KCNIP1: variants seen among roughly 807,000 people sequenced by gnomAD.
KCNIP1 encodes the protein potassium voltage-gated channel interacting protein 1.
In KCNIP1, 18 loss-of-function variants were observed where a neutral mutation model predicts 33.0. That is an observed-to-expected ratio of 0.55 (90% CI 0.38 to 0.81). The LOEUF is 0.81. Ranked by LOEUF, KCNIP1 falls within the 30% of genes least tolerant of loss-of-function variation. The probability of loss-of-function intolerance (pLI) is 0.00; values close to 1 mark genes in which losing one functional copy is unlikely to be tolerated. For synonymous variants in KCNIP1, 93 were observed against 98.3 expected (o/e 0.95, Z 0.32); for missense variants, 238 against 271.6 (o/e 0.88, Z 0.87).
chr5:170,544,580 ATTTG>A (rs1756341679), intron 1 of KCNIP1, among the ~76,000 whole-genome samples: 1 of 151,714 alleles, frequency 6.6e-6, no homozygotes, highest in African/African-American at 2.4e-5. Flanking sequence ...GCACCTTCCT[ATTTG>A]TTTTTCTATT....
intron 7 of KCNIP1, among the ~76,000 whole-genome samples, chr5:170,735,177 T>G (rs1470596308): frequency 6.6e-6 from 1 of 152,130 alleles, no homozygotes; most frequent in Non-Finnish European, 1.5e-5. Context: ...AGAGAGCGCT[T>G]TGGGGGGTTT....
At chr5:170,536,283 A>G (rs1020265398) in intron 1 of KCNIP1, among the ~76,000 whole-genome samples, 11 of 152,202 alleles carry the variant, frequency 7.2e-5, no homozygotes, top group African/African-American at 2.4e-4. Flanking sequence ...TTTGCTGTCA[A>G]TCCTTCCACC....
chr5:170,591,234 C>T (rs148557167), intron 1 of KCNIP1, among the ~76,000 whole-genome samples: 1 of 152,340 alleles, frequency 6.6e-6, no homozygotes, highest in East Asian at 1.9e-4. Flanking sequence ...TCTAGCACAG[C>T]ACAGATCACA....
intron 1 of KCNIP1, among the ~76,000 whole-genome samples, chr5:170,594,976 A>G (rs78154877): frequency 0.011 from 1,638 of 152,324 alleles, 27 homozygotes; most frequent in African/African-American, 0.037. Flanking sequence ...TTTAAATGCC[A>G]CATGAGCGGC....
intron 1 of KCNIP1, among the ~76,000 whole-genome samples, chr5:170,434,912 G>T (rs934110475): frequency 6.6e-6 from 1 of 152,178 alleles, no homozygotes. Flanking sequence ...CCAAGGTCGT[G>T]CCACTGAACT....
At chr5:170,490,639 A>G (rs1019332680) in intron 1 of KCNIP1, among the ~76,000 whole-genome samples, 3 of 152,066 alleles carry the variant, frequency 2.0e-5, no homozygotes, top group Non-Finnish European at 2.9e-5. Flanking sequence ...TTATTATGGG[A>G]ATTTTCTGTG....
chr5:170,355,435 T>C (rs549494703), intron 1 of KCNIP1, among the ~76,000 whole-genome samples: 2 of 152,244 alleles, frequency 1.3e-5, no homozygotes, highest in Non-Finnish European at 2.9e-5. Flanking sequence ...CCTAAGAGGG[T>C]AATGGGTGTG....
intron 1 of KCNIP1, among the ~76,000 whole-genome samples, chr5:170,508,118 C>T (rs1754786076): frequency 6.6e-6 from 1 of 152,172 alleles, no homozygotes; most frequent in Admixed American, 6.5e-5. Flanking sequence ...AGACCAAGGC[C>T]ATCTCAACAG....
intron 1 of KCNIP1, among the ~76,000 whole-genome samples, chr5:170,454,096 G>A (rs1239721899): frequency 6.6e-6 from 1 of 152,204 alleles, no homozygotes; most frequent in Non-Finnish European, 1.5e-5. Flanking sequence ...TGCTCAAGAA[G>A]GTTAGCTAGC....
At chr5:170,577,675 A>G (rs2113507262) in intron 1 of KCNIP1, among the ~76,000 whole-genome samples, 1 of 152,362 alleles carries the variant, frequency 6.6e-6, no homozygotes, top group South Asian at 2.1e-4. Context: ...CAGCGTGTGA[A>G]TTTGAAAAGA....
At chr5:170,679,790 T>C (rs985744877) in intron 1 of KCNIP1, among the ~76,000 whole-genome samples, 3 of 152,064 alleles carry the variant, frequency 2.0e-5, no homozygotes, top group African/African-American at 7.2e-5. Context: ...ATGTGCCACA[T>C]TATTTTTAAT....
At chr5:170,564,064 AC>A (rs1249142886) in intron 1 of KCNIP1, among the ~76,000 whole-genome samples, 3 of 152,158 alleles carry the variant, frequency 2.0e-5, no homozygotes, top group Non-Finnish European at 4.4e-5. Flanking sequence ...TAACCACGTC[AC>A]AGTGCACTGT....
At chr5:170,594,509 C>A (rs1758373562) in intron 1 of KCNIP1, among the ~76,000 whole-genome samples, 1 of 151,598 alleles carries the variant, frequency 6.6e-6, no homozygotes, top group Admixed American at 6.6e-5. Context: ...ACTACAGTTT[C>A]TTTTTTTTTA....
intron 1 of KCNIP1, among the ~76,000 whole-genome samples, chr5:170,412,083 A>G (rs1391484599): frequency 2.0e-5 from 3 of 152,230 alleles, no homozygotes; most frequent in African/African-American, 7.2e-5. Context: ...TGTTGGACCC[A>G]ATGAAAAGAA....
At chr5:170,383,955 G>A (rs1405270021) in intron 1 of KCNIP1, 6 of 1,200,098 alleles carry the variant, frequency 5.0e-6, no homozygotes, top group Non-Finnish European at 5.8e-6. Flanking sequence ...AGGGATCCAG[G>A]ACTGGGATCC....
chr5:170,466,386 G>A (rs201231014), intron 1 of KCNIP1, among the ~76,000 whole-genome samples: 336 of 152,254 alleles, frequency 2.2e-3, no homozygotes, highest in African/African-American at 7.7e-3. Flanking sequence ...AGAAAGGTCT[G>A]GGGTGAAGAT....
At chr5:170,663,889 T>C (rs1340618239) in intron 1 of KCNIP1, among the ~76,000 whole-genome samples, 1 of 149,496 alleles carries the variant, frequency 6.7e-6, no homozygotes, top group Non-Finnish European at 1.5e-5. Flanking sequence ...TCCAGCCCTG[T>C]GTACACTCCC....
intron 1 of KCNIP1, among the ~76,000 whole-genome samples, chr5:170,390,133 G>T (rs1324398485): frequency 2.0e-5 from 3 of 148,542 alleles, no homozygotes; most frequent in Admixed American, 6.7e-5. Context: ...TAAGACAAGT[G>T]AATGTCAGCA....
intron 1 of KCNIP1, among the ~76,000 whole-genome samples, chr5:170,369,729 G>T (rs1763793004): frequency 6.6e-6 from 1 of 152,226 alleles, no homozygotes; most frequent in South Asian, 2.1e-4. Flanking sequence ...TTGAGATAAG[G>T]CATCACCTTG....
Sources: gnomAD v4.1 joint callset for allele counts (sites outside exome capture counted in the v4.1 genomes callset) on GRCh38, gnomAD v4.1.1 for gene constraint, MANE v1.5 for transcripts, NCBI Gene and HGNC (gene_info 2026-07-23, HGNC 2026-07-21) for gene names.